The following SGCD variants were observed in gnomAD, a reference collection of about 807,000 sequenced individuals.
SGCD encodes delta-sarcoglycan.
Under a neutral mutation model 36.6 loss-of-function variants are expected in SGCD, and 18 were observed. The ratio of observed to expected loss-of-function variants is 0.49; its 90% CI spans 0.34 to 0.73. SGCD has a LOEUF of 0.73. Ranked by LOEUF, SGCD falls within the 30% of genes least tolerant of loss-of-function variation. The probability of loss-of-function intolerance (pLI) is 0.01; values close to 1 mark genes in which losing one functional copy is unlikely to be tolerated. For missense variants in SGCD, 387 were observed against 346.7 expected (o/e 1.12, Z -0.92); for synonymous variants, 133 against 130.6 (o/e 1.02, Z -0.12).
chr5:155,826,636 G>T, the SGCD span, among the ~76,000 whole-genome samples: 1 of 152,214 alleles, frequency 6.6e-6, no homozygotes, highest in Non-Finnish European at 1.5e-5. Context: ...TCTTCAGGTA[G>T]ATCTTCCCTT....
chr5:156,112,670 C>G (rs1183522727), intron 1 of SGCD, among the ~76,000 whole-genome samples: 3 of 152,142 alleles, frequency 2.0e-5, no homozygotes, highest in Non-Finnish European at 2.9e-5. Flanking sequence ...TATGCCCCTT[C>G]TACAGTTTAG....
At chr5:156,265,580 A>T (rs1765977233) in intron 3 of SGCD, among the ~76,000 whole-genome samples, 1 of 151,708 alleles carries the variant, frequency 6.6e-6, no homozygotes, top group Non-Finnish European at 1.5e-5. Context: ...AGGTAATTAA[A>T]TATCTTTTCC....
At chr5:156,556,636 TAGAC>T (rs951332182) in intron 4 of SGCD, among the ~76,000 whole-genome samples, 5 of 152,254 alleles carry the variant, frequency 3.3e-5, no homozygotes, top group African/African-American at 9.6e-5. Context: ...ATTTGTGAAA[TAGAC>T]AAGAAAAGAA....
chr5:156,487,813 AAAAG>A (rs1554107841), intron 3 of SGCD, among the ~76,000 whole-genome samples: 36 of 77,770 alleles, frequency 4.6e-4, no homozygotes, highest in African/African-American at 1.5e-3. Flanking sequence ...AAAAAAAAAA[AAAAG>A]AAAGAAAGAA....
At chr5:155,737,128 C>G in the SGCD span, among the ~76,000 whole-genome samples, 1 of 152,172 alleles carries the variant, frequency 6.6e-6, no homozygotes, top group South Asian at 2.1e-4. Context: ...TCAAACTTTA[C>G]TAGGTAATAT....
At chr5:155,965,309 T>A (rs1488339525) in intron 1 of SGCD, among the ~76,000 whole-genome samples, 12 of 152,112 alleles carry the variant, frequency 7.9e-5, no homozygotes, top group Non-Finnish European at 1.3e-4. Context: ...TATCCTAGAC[T>A]TCAACCTACA....
At chr5:155,821,297 A>G in the SGCD span, among the ~76,000 whole-genome samples, 5 of 152,126 alleles carry the variant, frequency 3.3e-5, no homozygotes, top group Non-Finnish European at 5.9e-5. Flanking sequence ...ATGTACAAGA[A>G]CAGTCATTGA....
chr5:156,467,023 G>T (rs1295373554), intron 3 of SGCD, among the ~76,000 whole-genome samples: 1 of 152,024 alleles, frequency 6.6e-6, no homozygotes, highest in African/African-American at 2.4e-5. Flanking sequence ...AGGGCCAGAC[G>T]GTATTTTAGG....
intron 7 of SGCD, among the ~76,000 whole-genome samples, chr5:156,680,396 G>C (rs1295832104): frequency 6.6e-6 from 1 of 152,192 alleles, no homozygotes; most frequent in African/African-American, 2.4e-5. Flanking sequence ...ATTAGAGTCA[G>C]ACAGTCCTTA....
intron 3 of SGCD, among the ~76,000 whole-genome samples, chr5:156,179,843 C>T (rs573981196): frequency 3.3e-5 from 5 of 152,156 alleles, no homozygotes; most frequent in Admixed American, 6.5e-5. Flanking sequence ...AGGTTGGTCT[C>T]GAATTCCTCA....
At chr5:156,585,423 C>A (rs1760452636) in intron 4 of SGCD, among the ~76,000 whole-genome samples, 1 of 152,122 alleles carries the variant, frequency 6.6e-6, no homozygotes, top group Non-Finnish European at 1.5e-5. Context: ...TACAAACTAT[C>A]CTTTGAAAAT....
chr5:156,145,280 T>A (rs966268225), intron 3 of SGCD, among the ~76,000 whole-genome samples: 3 of 152,150 alleles, frequency 2.0e-5, no homozygotes, highest in African/African-American at 7.2e-5. Context: ...AAGTTCTGGC[T>A]CCCCCTTCTC....
chr5:155,849,984 G>A, the SGCD span, among the ~76,000 whole-genome samples: 2 of 152,168 alleles, frequency 1.3e-5, no homozygotes, highest in African/African-American at 4.8e-5. Context: ...TAGAATGAAT[G>A]ACCATATCAT....
intron 3 of SGCD, among the ~76,000 whole-genome samples, chr5:156,438,295 G>C (rs1753331710): frequency 3.3e-5 from 5 of 152,108 alleles, no homozygotes; most frequent in African/African-American, 1.2e-4. Flanking sequence ...CTCCTGCTCT[G>C]AGAGCTGACA....
chr5:156,209,543 C>G (rs1764381333), intron 3 of SGCD, among the ~76,000 whole-genome samples: 1 of 152,186 alleles, frequency 6.6e-6, no homozygotes, highest in Non-Finnish European at 1.5e-5. Context: ...GCACAACATT[C>G]CAGCTGACAC....
intron 1 of SGCD, among the ~76,000 whole-genome samples, chr5:155,880,260 A>T (rs5016818): frequency 6.6e-6 from 1 of 152,182 alleles, no homozygotes. Flanking sequence ...TGCTTGGCAC[A>T]CTGCATGGCC....
intron 1 of SGCD, among the ~76,000 whole-genome samples, chr5:156,004,457 C>T (rs77976335): frequency 6.6e-6 from 1 of 152,092 alleles, no homozygotes; most frequent in Non-Finnish European, 1.5e-5. Flanking sequence ...TATTGTTTTA[C>T]TGAATAATGC....
At chr5:155,772,369 A>G in the SGCD span, among the ~76,000 whole-genome samples, 1 of 152,214 alleles carries the variant, frequency 6.6e-6, no homozygotes, top group Non-Finnish European at 1.5e-5. Context: ...CTTCACAAAA[A>G]TCTTCTGGGC....
chr5:155,741,557 T>C, the SGCD span, among the ~76,000 whole-genome samples: 2 of 152,186 alleles, frequency 1.3e-5, no homozygotes, highest in Admixed American at 1.3e-4. Context: ...AAGGTCTCTG[T>C]TTTAATGGTA....
Sources: allele counts gnomAD v4.1 joint callset (sites outside exome capture counted in the v4.1 genomes callset), GRCh38; gene constraint gnomAD v4.1.1; transcripts MANE v1.5; gene names NCBI Gene and HGNC (gene_info 2026-07-23, HGNC 2026-07-21).